The following PIK3CG variants were observed in gnomAD, a reference collection of about 807,000 sequenced individuals.
PIK3CG encodes the protein phosphatidylinositol 4,5-bisphosphate 3-kinase catalytic subunit gamma isoform.
PIK3CG carries 55 observed loss-of-function variants against 102.3 expected under a neutral mutation model. The observed-to-expected ratio is 0.54, with a 90% CI of 0.43 to 0.67. The LOEUF is 0.67. Among genes scored for constraint, PIK3CG ranks in the 30% least tolerant of loss-of-function variants. The probability of loss-of-function intolerance (pLI) is 0.00; values close to 1 mark genes in which losing one functional copy is unlikely to be tolerated. For synonymous variants in PIK3CG, 552 were observed against 540.0 expected (o/e 1.02, Z -0.31); for missense variants, 1,258 against 1,391.8 (o/e 0.90, Z 1.53).
rs1790589898 is a variant in PIK3CG, at chr7:106,872,944, G to A, written c.2287+6G>A. 3 of 1,587,292 alleles carry A rather than the reference G, an allele frequency of 1.9e-6. No individual in the cohort carries two copies. The highest frequency in any genetic ancestry group is 2.6e-6 in the Non-Finnish European group (3 of 1,155,798). ...GTATGACGTCAGTTCCCAAGGTACGGTGGCTATATTTTCTGTGTTCTCTTT... is the reference window on the plus strand; with the variant it reads ...GTATGACGTCAGTTCCCAAGGTACGATGGCTATATTTTCTGTGTTCTCTTT... On this transcript the variant is annotated splice_donor_region_variant and intron_variant, in intron 4 of 10. Coordinates refer to ENST00000496166, the MANE Select transcript of PIK3CG (RefSeq NM_001282426.2). The surrounding 1 kb of genome is among the most constrained non-coding windows in gnomAD (Gnocchi z 5.3).
rs761735189 is a variant in PIK3CG at position 106,868,241 on chromosome 7, GCAC to G, written c.686_688del (p.Thr229del). ...TGCATCTTCATCGTCATTCACCGCA[GCAC>G]CACCAGCCAGACCATTAAGGTCTCA... On this transcript the variant is annotated inframe_deletion, in exon 2 of 11. Coordinates refer to ENST00000496166, the MANE Select transcript of PIK3CG (RefSeq NM_001282426.2). The surrounding 1 kb of genome is among the most constrained non-coding windows in gnomAD (Gnocchi z 6.2). 6.2e-7 allele frequency: 1 copy of G among 1,613,046 alleles called. No homozygotes were observed. The highest frequency in any genetic ancestry group is 8.5e-7 in the Non-Finnish European group (1 of 1,180,002).
chr7:106,893,770 T>C lies in PIK3CG; in HGVS notation c.3030+7478T>C, dbSNP rs1258824399. ...TGCATTGCTTAACAGTGGGGATACA[T>C]ACAGAGAAATGCATCATTAGGCAAT... On this transcript the variant is annotated intron_variant, in intron 10 of 10. Transcript: ENST00000496166. This position sits in a 1 kb window ranked among gnomAD's most constrained non-coding sequence, Gnocchi z 4.4. 1.3e-5 allele frequency among the ~76,000 whole-genome samples: 2 copies of C among 152,228 alleles called. No homozygotes were observed. The highest frequency in any genetic ancestry group is 3.8e-4 in the East Asian group (2 of 5,198).
rs1790779558 is a variant in PIK3CG, at chr7:106,877,215, A to G, written c.2392-2304A>G. ...CCTGTTTCAAAAGAAATGAAAAAGA[A>G]ATCTATCTAATCCAGTGCCTCAGCC... On this transcript the variant is annotated intron_variant, in intron 5 of 10. Transcript: ENST00000496166. This position sits in a 1 kb window ranked among gnomAD's most constrained non-coding sequence, Gnocchi z 4.5. Among the ~76,000 whole-genome samples the G allele has an allele frequency of 6.6e-6, 1 of 152,134 alleles. No homozygotes were observed. Among genetic ancestry groups the G allele is most frequent in the African/African-American group, 2.4e-5 (1 of 41,434 alleles).
At chr7:106,901,887 T>C (rs1791564921) in intron 10 of PIK3CG, among the ~76,000 whole-genome samples, 2 of 152,182 alleles carry the variant, frequency 1.3e-5, no homozygotes, top group African/African-American at 2.4e-5. Flanking sequence ...CTTAGGCTTA[T>C]TGGTCGGTTG....
Position 106,884,029 on chromosome 7 carries a change from A to G in PIK3CG, c.2761-126A>G, listed in dbSNP as rs1469739487. On this transcript the variant is annotated intron_variant, in intron 8 of 10. Transcript: ENST00000496166. This position sits in a 1 kb window ranked among gnomAD's most constrained non-coding sequence, Gnocchi z 4.2. ...AATTCATAGATATAATGCTAATGAA[A>G]TCAGGCACAACTAACTTGCTCTCTG... The G allele has an allele frequency of 4.2e-6, 3 of 712,104 alleles. No homozygotes were observed. The African/African-American group carries it at 5.3e-5, about 13-fold the overall frequency. The allele number at this position is 712,104 out of a possible 1,614,324, so 44.1% of individuals were successfully genotyped here.
rs1790437213 is a variant in PIK3CG, at chr7:106,869,109, C to A, written c.1548C>A (p.Ile516=). The A allele has an allele frequency of 6.2e-7, 1 of 1,614,198 alleles. No homozygotes were observed. The highest frequency in any genetic ancestry group is 8.5e-7 in the Non-Finnish European group (1 of 1,180,032). The change falls in exon 2 of 11, where the codon ATC becomes ATA. Residue 516 remains isoleucine, a synonymous_variant. Transcript: ENST00000496166. This position sits in a 1 kb window ranked among gnomAD's most constrained non-coding sequence, Gnocchi z 5.3. ...TNPDKENSMS[I]SILLDNYCHP... ...CAGACAAGGAGAACTCAATGTCCATCTCCATTCTTCTGGACAATTACTGCC... is the reference window on the plus strand; with the variant it reads ...CAGACAAGGAGAACTCAATGTCCATATCCATTCTTCTGGACAATTACTGCC...
Position 106,872,895 on chromosome 7 carries a change from T to C in PIK3CG, c.2244T>C (p.Asp748=). ...VIEMLQKVTL[D]IKSLSAEKYD... is the part of the protein sequence containing the mutation. ...AGATGTTACAAAAAGTCACCCTTGA[T>C]ATTAAATCGCTCTCTGCTGAAAAGT... The change falls in exon 4 of 11, where the codon GAT becomes GAC. Residue 748 remains aspartate, a synonymous_variant. Coordinates refer to ENST00000496166, the MANE Select transcript of PIK3CG (RefSeq NM_001282426.2). The surrounding 1 kb of genome is among the most constrained non-coding windows in gnomAD (Gnocchi z 5.3). 1 of 1,614,188 alleles carries C rather than the reference T, an allele frequency of 6.2e-7. No individual in the cohort carries two copies. The highest frequency in any genetic ancestry group is 1.6e-4 in the Middle Eastern group (1 of 6,062).
rs1456343877 is a variant in PIK3CG at position 106,897,557 on chromosome 7, G to A, written c.3031-7552G>A. 6.6e-6 allele frequency among the ~76,000 whole-genome samples: 1 copy of A among 152,084 alleles called. No individual in the cohort carries two copies. The highest frequency in any genetic ancestry group is 1.5e-5 in the Non-Finnish European group (1 of 68,006). Reference sequence around the variant, plus strand: ...ATTCTCTCCCCTCAAGTAGATCCCAGTGTCTGTTGTTTCCTTCCTTGTGTT... The same window carrying A: ...ATTCTCTCCCCTCAAGTAGATCCCAATGTCTGTTGTTTCCTTCCTTGTGTT... On this transcript the variant is annotated intron_variant, in intron 10 of 10. Transcript: ENST00000496166. The surrounding 1 kb of genome is among the most constrained non-coding windows in gnomAD (Gnocchi z 4.6).
rs1007395934 is a variant in PIK3CG, at chr7:106,899,398, T to C, written c.3031-5711T>C. Among the ~76,000 whole-genome samples the C allele has an allele frequency of 1.1e-4, 17 of 152,226 alleles. No homozygotes were observed. The highest frequency in any genetic ancestry group is 9.2e-4 in the Admixed American group (14 of 15,272). ...GCTCTGGCCAGGACTTCCAATACTA[T>C]GTTGAATAGAAGTGGTGAGAGAGGG... On this transcript the variant is annotated intron_variant, in intron 10 of 10. Coordinates refer to ENST00000496166, the MANE Select transcript of PIK3CG (RefSeq NM_001282426.2). The surrounding 1 kb of genome is among the most constrained non-coding windows in gnomAD (Gnocchi z 4.6).
chr7:106,899,081 C>T lies in PIK3CG; in HGVS notation c.3031-6028C>T, dbSNP rs1791479905. On this transcript the variant is annotated intron_variant, in intron 10 of 10. Transcript: ENST00000496166. This position sits in a 1 kb window ranked among gnomAD's most constrained non-coding sequence, Gnocchi z 4.6. Reference sequence around the variant, plus strand: ...AATTCTCATTGTAGAGATCTTTCACCTCCCTGGTTGGCTATATCCCTAGGT... The same window carrying T: ...AATTCTCATTGTAGAGATCTTTCACTTCCCTGGTTGGCTATATCCCTAGGT... Among the ~76,000 whole-genome samples the T allele has an allele frequency of 6.6e-6, 1 of 152,004 alleles. No individual in the cohort carries two copies.
At position 106,886,990 on chromosome 7, in the gene PIK3CG, TA is replaced by T. The variant is rs569405886; in HGVS notation, c.3030+709del. 1.6e-3 allele frequency among the ~76,000 whole-genome samples: 239 copies of T among 146,894 alleles called. 1 individual carries two copies. In the East Asian group the frequency reaches 0.024, roughly 15 times the overall value. Reference sequence around the variant, plus strand: ...AAAATACACTAGATAGCTGATGATCTAAAAAAAAAAATCACAAAAAAGCCTC... The same window carrying T: ...AAAATACACTAGATAGCTGATGATCTAAAAAAAAAATCACAAAAAAGCCTC... On this transcript the variant is annotated intron_variant, in intron 10 of 10. Coordinates refer to ENST00000496166, the MANE Select transcript of PIK3CG (RefSeq NM_001282426.2).
chr7:106,897,122 G>C lies in PIK3CG; in HGVS notation c.3031-7987G>C, dbSNP rs972818267. The stretch of plus-strand genomic sequence containing the variant: ...ATCCTTCTACAGTATCTTTCTAGTA[G>C]TTCCAGGACATGCAATTTTAAGTAC... On this transcript the variant is annotated intron_variant, in intron 10 of 10. Transcript: ENST00000496166. This position sits in a 1 kb window ranked among gnomAD's most constrained non-coding sequence, Gnocchi z 4.6. Among the ~76,000 whole-genome samples the C allele has an allele frequency of 1.3e-5, 2 of 152,024 alleles. No homozygotes were observed. The highest frequency in any genetic ancestry group is 2.4e-5 in the African/African-American group (1 of 41,382).
Position 106,874,839 on chromosome 7 carries a change from T to G in PIK3CG, c.2391+36T>G. 7.3e-7 allele frequency: 1 copy of G among 1,365,650 alleles called. No homozygotes were observed. The highest frequency in any genetic ancestry group is 1.0e-6 in the Non-Finnish European group (1 of 958,582). 84.6% of individuals were successfully genotyped at this position (1,365,650 alleles called of 1,614,324 possible). The stretch of plus-strand genomic sequence containing the variant: ...CTTGGATGTCTCCATGTGGTCTTTA[T>G]GTCTTGAAGATGTCTAACGTGCTTG... On this transcript the variant is annotated intron_variant, in intron 5 of 10. Transcript: ENST00000496166. This position sits in a 1 kb window ranked among gnomAD's most constrained non-coding sequence, Gnocchi z 4.3.
chr7:106,888,751 G>A (rs969159593), intron 10 of PIK3CG, among the ~76,000 whole-genome samples: 6 of 152,210 alleles, frequency 3.9e-5, no homozygotes, highest in African/African-American at 9.7e-5. Flanking sequence ...TGCACGTTGA[G>A]CCTTAAGCAC....
chr7:106,884,379 T>C lies in PIK3CG; in HGVS notation c.2872+113T>C. On this transcript the variant is annotated intron_variant, in intron 9 of 10. Transcript: ENST00000496166. The surrounding 1 kb of genome is among the most constrained non-coding windows in gnomAD (Gnocchi z 4.2). ...GTGTTCAGTTCAGTGGCATTACATA[T>C]GTTCACCTTGTTGTACAACCATCAT... 1 of 687,926 alleles carries C rather than the reference T, an allele frequency of 1.5e-6. No homozygotes were observed. Among genetic ancestry groups the C allele is most frequent in the Non-Finnish European group, 2.5e-6 (1 of 403,732 alleles). The allele number at this position is 687,926 out of a possible 1,614,324, so 42.6% of individuals were successfully genotyped here.
intron 10 of PIK3CG, among the ~76,000 whole-genome samples, chr7:106,904,420 G>A (rs1363117992): frequency 6.6e-6 from 1 of 151,994 alleles, no homozygotes; most frequent in Non-Finnish European, 1.5e-5. Context: ...ATTTTTCTAT[G>A]CTTTGGAACA....
rs2116434857 is a variant in PIK3CG, at chr7:106,868,247, C to T, written c.686C>T (p.Thr229Ile). Reference sequence around the variant, plus strand: ...TTCATCGTCATTCACCGCAGCACCACCAGCCAGACCATTAAGGTCTCACCC... The same window carrying T: ...TTCATCGTCATTCACCGCAGCACCATCAGCCAGACCATTAAGGTCTCACCC... Reference protein sequence around the residue: ...CIFIVIHRSTTSQTIKVSPDD... With the variant: ...CIFIVIHRSTISQTIKVSPDD... Residue 229 changes from threonine to isoleucine, a missense_variant, in exon 2 of 11, where the codon ACC (threonine) becomes ATC (isoleucine). This residue lies in a region of PIK3CG where 832 missense variants were observed against 787.5 expected (regional missense o/e 1.06). Transcript: ENST00000496166. This position sits in a 1 kb window ranked among gnomAD's most constrained non-coding sequence, Gnocchi z 6.2. The T allele has an allele frequency of 6.2e-7, 1 of 1,613,426 alleles. No individual in the cohort carries two copies. The highest frequency in any genetic ancestry group is 1.3e-5 in the African/African-American group (1 of 75,074).
At chr7:106,873,031 G>C in intron 4 of PIK3CG, 93 bp downstream of exon 4, 1 of 946,532 alleles carries the variant, frequency 1.1e-6, no homozygotes, top group Non-Finnish European at 1.7e-6. Context: ...TGGAATCCAA[G>C]TTGCATCCTC....
rs796291653 is a variant in PIK3CG at position 106,893,059 on chromosome 7, A to G, written c.3030+6767A>G. Among the ~76,000 whole-genome samples the G allele has an allele frequency of 2.3e-4, 35 of 152,290 alleles. No homozygotes were observed. The highest frequency in any genetic ancestry group is 7.9e-4 in the African/African-American group (33 of 41,550). Reference sequence around the variant, plus strand: ...AGAGAGGTGGAGGGTAGAGCAAAGCAAAGAAGTCATTTGGAGCTCATTCGA... The same window carrying G: ...AGAGAGGTGGAGGGTAGAGCAAAGCGAAGAAGTCATTTGGAGCTCATTCGA... On this transcript the variant is annotated intron_variant, in intron 10 of 10. Transcript: ENST00000496166. This position sits in a 1 kb window ranked among gnomAD's most constrained non-coding sequence, Gnocchi z 4.4.
Sources: gnomAD v4.1 joint callset for allele counts (sites outside exome capture counted in the v4.1 genomes callset) on GRCh38, gnomAD v4.1.1 for gene constraint, gnomAD v4.1.1 regional missense constraint, Gnocchi (gnomAD v3.1) non-coding constraint, MANE v1.5 for transcripts, NCBI Gene and HGNC (gene_info 2026-07-23, HGNC 2026-07-21) for gene names.